Variants in BTBD9 observed in about 807,000 individuals in gnomAD.
BTBD9 encodes BTB/POZ domain-containing protein 9.
In BTBD9, 49 loss-of-function variants were observed where a neutral mutation model predicts 64.3. That is an observed-to-expected ratio of 0.76 (90% CI 0.61 to 0.97). The LOEUF is 0.97. Ranked by LOEUF, BTBD9 falls within the 50% of genes least tolerant of loss-of-function variation. The probability of loss-of-function intolerance (pLI) is 0.00; values close to 1 mark genes in which losing one functional copy is unlikely to be tolerated. For synonymous variants in BTBD9, 260 were observed against 274.7 expected (o/e 0.95, Z 0.53); for missense variants, 598 against 762.1 (o/e 0.78, Z 2.53).
intron 6 of BTBD9, among the ~76,000 whole-genome samples, chr6:38,511,825 G>A (rs999011145): frequency 3.9e-5 from 6 of 152,164 alleles, no homozygotes; most frequent in African/African-American, 9.7e-5. Context: ...CAGGAAGGGC[G>A]TTTCAAACAT....
At chr6:38,347,892 G>C (rs1764348260) in intron 6 of BTBD9, among the ~76,000 whole-genome samples, 1 of 152,218 alleles carries the variant, frequency 6.6e-6, no homozygotes, top group Admixed American at 6.5e-5. Context: ...AGCTACTTGG[G>C]TGGCTGAGGC....
intron 6 of BTBD9, among the ~76,000 whole-genome samples, chr6:38,515,414 A>G (rs1353428100): frequency 1.3e-5 from 2 of 152,330 alleles, no homozygotes; most frequent in South Asian, 2.1e-4. Flanking sequence ...TGCTTAAAAG[A>G]TATCACTATG....
At chr6:38,564,977 TTAAA>T (rs1775425866) in intron 6 of BTBD9, among the ~76,000 whole-genome samples, 2 of 152,130 alleles carry the variant, frequency 1.3e-5, no homozygotes, top group Admixed American at 6.6e-5. Flanking sequence ...ATTTTTTTTC[TTAAA>T]TAATAATTCT....
At chr6:38,574,999 T>C (rs1775963666) in intron 6 of BTBD9, among the ~76,000 whole-genome samples, 1 of 152,170 alleles carries the variant, frequency 6.6e-6, no homozygotes, top group African/African-American at 2.4e-5. Context: ...ATACATAAGG[T>C]ATCATTTTTG....
intron 4 of BTBD9, among the ~76,000 whole-genome samples, chr6:38,586,433 C>A (rs1005487239): frequency 6.7e-6 from 1 of 149,090 alleles, no homozygotes; most frequent in African/African-American, 2.5e-5. Flanking sequence ...GAAAAAAAAT[C>A]CCTGTAATTT....
At chr6:38,254,329 T>C (rs1204278649) in intron 9 of BTBD9, among the ~76,000 whole-genome samples, 4 of 152,032 alleles carry the variant, frequency 2.6e-5, no homozygotes, top group African/African-American at 7.2e-5. Context: ...AATATATATA[T>C]GCTGATAATT....
At chr6:38,374,968 G>A (rs1183507143) in intron 6 of BTBD9, among the ~76,000 whole-genome samples, 1 of 152,190 alleles carries the variant, frequency 6.6e-6, no homozygotes, top group East Asian at 1.9e-4. Flanking sequence ...AGATTTGAGG[G>A]AGGAAAAAGA....
At chr6:38,473,816 A>G (rs1770757066) in intron 6 of BTBD9, among the ~76,000 whole-genome samples, 1 of 152,226 alleles carries the variant, frequency 6.6e-6, no homozygotes, top group Non-Finnish European at 1.5e-5. Context: ...GGAGGAATTA[A>G]TTAAGGGGTG....
At chr6:38,441,640 C>T (rs1244025047) in intron 6 of BTBD9, among the ~76,000 whole-genome samples, 1 of 152,082 alleles carries the variant, frequency 6.6e-6, no homozygotes, top group Admixed American at 6.6e-5. Context: ...TGGTCTTACA[C>T]TCCTGGGCTC....
At chr6:38,335,473 G>C (rs997539605) in intron 7 of BTBD9, among the ~76,000 whole-genome samples, 2 of 151,666 alleles carry the variant, frequency 1.3e-5, no homozygotes, top group African/African-American at 4.8e-5. Flanking sequence ...GGCTGGTCTT[G>C]AACTCCTGAC....
intron 9 of BTBD9, among the ~76,000 whole-genome samples, chr6:38,255,506 A>C (rs1303848400): frequency 2.0e-5 from 3 of 152,224 alleles, no homozygotes; most frequent in African/African-American, 7.2e-5. Context: ...CTGGCTCTAC[A>C]CAAAGAGGTA....
intron 8 of BTBD9, among the ~76,000 whole-genome samples, chr6:38,262,875 GTA>G (rs1238103484): frequency 6.6e-6 from 1 of 152,204 alleles, no homozygotes; most frequent in Non-Finnish European, 1.5e-5. Flanking sequence ...AATGGCTGAA[GTA>G]TAACAGTTGA....
rs1290900046 is a variant in BTBD9 at position 38,169,904 on chromosome 6, AAAAG to A, written c.*5077_*5080del. The A allele has an allele frequency of 2.6e-5, 4 of 151,860 alleles. No homozygotes were observed. The highest frequency in any genetic ancestry group is 9.7e-5 in the African/African-American group (4 of 41,414). 9.4% of individuals were successfully genotyped at this position (151,860 alleles called of 1,614,324 possible). ...TGGGGACTATTTCAGTTCTTTAAAA[AAAAG>A]AAGACACGAAGCTGATGGGGCAGGA... On this transcript the variant is annotated 3_prime_UTR_variant, in exon 11 of 11. Coordinates refer to ENST00000481247, the MANE Select transcript of BTBD9 (RefSeq NM_001099272.2).
At chr6:38,517,155 C>G (rs1310217447) in intron 6 of BTBD9, among the ~76,000 whole-genome samples, 4 of 152,176 alleles carry the variant, frequency 2.6e-5, no homozygotes, top group African/African-American at 9.6e-5. Flanking sequence ...CCTAGATCCA[C>G]AGCAACCAAG....
intron 6 of BTBD9, among the ~76,000 whole-genome samples, chr6:38,427,351 C>T (rs888362422): frequency 6.6e-6 from 1 of 151,746 alleles, no homozygotes; most frequent in African/African-American, 2.4e-5. Context: ...AAAGAAATAC[C>T]GATAGCAGAT....
intron 7 of BTBD9, among the ~76,000 whole-genome samples, chr6:38,334,937 T>C (rs537953747): frequency 1.3e-5 from 2 of 152,248 alleles, no homozygotes; most frequent in South Asian, 2.1e-4. Context: ...TCATCTTGAA[T>C]TGTAATCCCC....
intron 8 of BTBD9, among the ~76,000 whole-genome samples, chr6:38,262,394 GATATTATAT>G (rs1333924831): frequency 6.6e-6 from 1 of 151,922 alleles, no homozygotes; most frequent in Non-Finnish European, 1.5e-5. Flanking sequence ...AATGCCTGGT[GATATTATAT>G]ATGTTGTCTC....
rs557103199 is a variant in BTBD9 at position 38,492,387 on chromosome 6, A to G, written c.1154+85213T>C. On this transcript the variant is annotated intron_variant, in intron 6 of 10. Coordinates refer to ENST00000481247, the MANE Select transcript of BTBD9 (RefSeq NM_001099272.2). ...CCTATGGCCCCATTTCCTTCAATAT[A>G]AAATGGAGATAATATTTACACCTAC... Among the ~76,000 whole-genome samples the G allele has an allele frequency of 3.3e-5, 5 of 152,362 alleles. No homozygotes were observed. The East Asian group carries it at 9.6e-4, about 29-fold the overall frequency.
intron 6 of BTBD9, among the ~76,000 whole-genome samples, chr6:38,528,519 C>T (rs1773621195): frequency 6.6e-6 from 1 of 152,184 alleles, no homozygotes; most frequent in African/African-American, 2.4e-5. Flanking sequence ...AGAGAGACTT[C>T]TTACCTCTGT....
Sources: allele counts gnomAD v4.1 joint callset (sites outside exome capture counted in the v4.1 genomes callset), GRCh38; gene constraint gnomAD v4.1.1; transcripts MANE v1.5; gene names NCBI Gene and HGNC (gene_info 2026-07-23, HGNC 2026-07-21).